TNRC6B: variants seen among roughly 807,000 people sequenced by gnomAD.
The protein encoded by TNRC6B is trinucleotide repeat containing adaptor 6B, also known as trinucleotide repeat-containing gene 6B protein.
A neutral mutation model predicts 203.6 loss-of-function variants in TNRC6B; 52 were observed. That is an observed-to-expected ratio of 0.26 (90% CI 0.20 to 0.32). The LOEUF (loss-of-function observed/expected upper bound fraction) is 0.32, where lower values mean the gene tolerates loss of function less well. TNRC6B is among the 10% of genes least tolerant of loss of function. The pLI is 1.00. For missense variants in TNRC6B, 1,923 were observed against 2,286.2 expected (o/e 0.84, Z 3.24); for synonymous variants, 838 against 845.7 (o/e 0.99, Z 0.16).
intron 4 of TNRC6B, among the ~76,000 whole-genome samples, chr22:40,158,945 T>G (rs2068844988): frequency 6.6e-6 from 1 of 152,118 alleles, no homozygotes; most frequent in Non-Finnish European, 1.5e-5. Context: ...TCAGTCTGGA[T>G]AGGGAATCTA....
intron 21 of TNRC6B, among the ~76,000 whole-genome samples, chr22:40,320,208 G>A (rs1006427430): frequency 7.9e-5 from 12 of 152,154 alleles, no homozygotes; most frequent in African/African-American, 2.9e-4. Flanking sequence ...TGGGACAGGC[G>A]CGGTGGCTCA....
intron 3 of TNRC6B, among the ~76,000 whole-genome samples, chr22:40,255,169 A>G (rs2070252415): frequency 6.6e-6 from 1 of 152,184 alleles, no homozygotes; most frequent in Admixed American, 6.5e-5. Flanking sequence ...CTTGGTAATT[A>G]TCTGTCAGAT....
At chr22:40,247,878 C>T (rs1356079264) in intron 2 of TNRC6B, among the ~76,000 whole-genome samples, 2 of 152,062 alleles carry the variant, frequency 1.3e-5, no homozygotes, top group Non-Finnish European at 2.9e-5. Flanking sequence ...CGAGACCAGC[C>T]TTGCCAACAT....
At chr22:40,275,267 A>G (rs928688965) in intron 7 of TNRC6B, among the ~76,000 whole-genome samples, 2 of 152,186 alleles carry the variant, frequency 1.3e-5, no homozygotes, top group African/African-American at 2.4e-5. Flanking sequence ...TAGGTTGTCT[A>G]GTGTGATTTT....
At chr22:40,101,301 TTAAA>T (rs1252673204) in intron 1 of TNRC6B, among the ~76,000 whole-genome samples, 2 of 152,152 alleles carry the variant, frequency 1.3e-5, no homozygotes, top group Non-Finnish European at 2.9e-5. Flanking sequence ...CCCTGCTTCT[TTAAA>T]TAACTAATTT....
intron 16 of TNRC6B, among the ~76,000 whole-genome samples, chr22:40,310,600 G>A (rs2071163311): frequency 6.6e-6 from 1 of 152,198 alleles, no homozygotes; most frequent in East Asian, 1.9e-4. Context: ...GTGTGCCTAA[G>A]TGAGGAACTG....
intron 1 of TNRC6B, among the ~76,000 whole-genome samples, chr22:40,058,395 T>TCAATGTGCTTTAGCA (rs67129156): frequency 3.8e-4 from 56 of 146,036 alleles, no homozygotes; most frequent in Non-Finnish European, 6.5e-4. Flanking sequence ...AACTTGTGAC[T>TCAATGTGCTTTAGCA]CAATGTGCTT....
At chr22:40,073,766 T>C (rs2067977043) in intron 1 of TNRC6B, among the ~76,000 whole-genome samples, 1 of 151,440 alleles carries the variant, frequency 6.6e-6, no homozygotes, top group Non-Finnish European at 1.5e-5. Flanking sequence ...ATACAAAAAT[T>C]AGCAGCCAGG....
chr22:40,173,798 T>TATATATATATATATATATATAA (rs1347105048), upstream of TNRC6B, among the ~76,000 whole-genome samples: 5 of 61,106 alleles, frequency 8.2e-5, no homozygotes, highest in Non-Finnish European at 2.9e-5. Flanking sequence ...TATATATTTT[T>TATATATATATATATATATATAA]TTTTTTTTTT....
chr22:40,256,888 A>G (rs559187973), intron 3 of TNRC6B, among the ~76,000 whole-genome samples: 2 of 152,142 alleles, frequency 1.3e-5, no homozygotes, highest in African/African-American at 4.8e-5. Flanking sequence ...AAGGTCCAAG[A>G]TGGGCTGGTT....
chr22:40,160,993 G>A (rs1324733513), intron 4 of TNRC6B, among the ~76,000 whole-genome samples: 2 of 151,770 alleles, frequency 1.3e-5, no homozygotes, highest in Non-Finnish European at 2.9e-5. Flanking sequence ...TTATTGGATT[G>A]TTTTTATAGC....
Position 40,152,544 on chromosome 22 carries a change from G to A in TNRC6B, c.46-3571G>A, listed in dbSNP as rs368877212. On this transcript the variant is annotated intron_variant, in intron 3 of 23. Coordinates refer to the TNRC6B transcript ENST00000301923. ...GGGGTTTCACCATGTTAGCCAGGAT[G>A]GTCTCGATCTCCTGACCTTGTGATC... 3.3e-5 allele frequency among the ~76,000 whole-genome samples: 5 copies of A among 152,188 alleles called. 1 individual carries two copies. The highest frequency in any genetic ancestry group is 2.0e-4 in the East Asian group (1 of 5,122).
chr22:40,165,754 G>GT (rs2068913950), intron 4 of TNRC6B, among the ~76,000 whole-genome samples: 4 of 152,078 alleles, frequency 2.6e-5, no homozygotes, highest in African/African-American at 9.7e-5. Context: ...GCTGAGCAAT[G>GT]GGGGGGAAAG....
At position 40,315,325 on chromosome 22, in the gene TNRC6B, T is replaced by C. The variant is rs780297046; in HGVS notation, c.4721T>C (p.Ile1574Thr). The C allele has an allele frequency of 9.9e-6, 16 of 1,613,840 alleles. No individual in the cohort carries two copies. Among genetic ancestry groups the C allele is most frequent in the African/African-American group, 4.0e-5 (3 of 74,906 alleles). Residue 1574 changes from isoleucine to threonine, a missense_variant, in exon 20 of 23, where the codon ATA becomes ACA. By Grantham distance (89) the Ile-to-Thr change is moderately conservative. Around this residue, in one of 8 missense-constraint regions of TNRC6B, gnomAD observed 159 missense variants for 181.0 expected, o/e 0.88. Transcript: ENST00000454349. Reference sequence around the variant, plus strand: ...AAATCAACATGGTCCCCAGATCCCATAGGACACAACCCCACTCATCTCTCC... The same window carrying C: ...AAATCAACATGGTCCCCAGATCCCACAGGACACAACCCCACTCATCTCTCC... ...DYKSTWSPDP[I>T]GHNPTHLSNK...
intron 6 of TNRC6B, among the ~76,000 whole-genome samples, chr22:40,270,542 ACTC>A (rs2070547822): frequency 6.7e-6 from 1 of 150,364 alleles, no homozygotes; most frequent in South Asian, 2.1e-4. Flanking sequence ...CTGGTCTTGA[ACTC>A]CTGTCCTTGT....
rs1303368603 is a variant in TNRC6B, at chr22:40,281,169, C to G, written c.3462C>G (p.Pro1154=). The change falls in exon 11 of 23, where the codon CCC becomes CCG. Residue 1154 remains proline, a synonymous_variant. Coordinates refer to ENST00000454349, the MANE Select transcript of TNRC6B (RefSeq NM_001162501.2). The stretch of plus-strand genomic sequence containing the variant: ...ATGGGTGCCTTGGGGATGAGGCTCC[C>G]TGCTCTCCCTTCTCCCCTTCTCCCA... The part of the protein sequence containing the change: ...NQDGCLGDEA[P]CSPFSPSPSY... 3.9e-6 allele frequency: 6 copies of G among 1,551,182 alleles called. No individual in the cohort carries two copies.
intron 4 of TNRC6B, among the ~76,000 whole-genome samples, chr22:40,166,495 A>C (rs963924462): frequency 1.6e-4 from 24 of 151,866 alleles, no homozygotes; most frequent in African/African-American, 5.6e-4. Context: ...ATTTTCTAAA[A>C]TAGGTAAATA....
At chr22:40,077,237 G>GT (rs2068024239) in intron 1 of TNRC6B, among the ~76,000 whole-genome samples, 1 of 151,974 alleles carries the variant, frequency 6.6e-6, no homozygotes, top group African/African-American at 2.4e-5. Flanking sequence ...GTCTGCATAG[G>GT]TTATCTCTCC....
intron 1 of TNRC6B, among the ~76,000 whole-genome samples, chr22:40,242,719 C>T (rs993027503): frequency 1.3e-5 from 2 of 151,978 alleles, no homozygotes; most frequent in African/African-American, 2.4e-5. Context: ...CGTGAGCCAC[C>T]GCGCCCGTCC....
Sources: gnomAD v4.1 joint callset for allele counts (sites outside exome capture counted in the v4.1 genomes callset) on GRCh38, gnomAD v4.1.1 for gene constraint, gnomAD v4.1.1 regional missense constraint, MANE v1.5 for transcripts, NCBI Gene and HGNC (gene_info 2026-07-23, HGNC 2026-07-21) for gene names.